Variants in CLN6 observed in about 807,000 individuals in gnomAD.
CLN6 encodes CLN6 transmembrane ER protein.
CLN6 carries 22 observed loss-of-function variants against 33.3 expected under a neutral mutation model. The ratio of observed to expected loss-of-function variants is 0.66; its 90% CI spans 0.47 to 0.94. CLN6 has a LOEUF of 0.94. Ranked by LOEUF, CLN6 falls within the 40% of genes least tolerant of loss-of-function variation. The pLI, the probability that CLN6 is intolerant of heterozygous loss-of-function variation, is 0.00. For missense variants in CLN6, 387 were observed against 417.1 expected (o/e 0.93, Z 0.63); for synonymous variants, 201 against 174.6 (o/e 1.15, Z -1.19).
chr15:68,217,624 G>C (rs2141144159), intron 2 of CLN6, among the ~76,000 whole-genome samples: 1 of 152,276 alleles, frequency 6.6e-6, no homozygotes, highest in African/African-American at 2.4e-5. Flanking sequence ...AATTTGCTGA[G>C]TGACCTTCGA....
chr15:68,215,091 G>A (rs1334435083), intron 2 of CLN6: 2 of 152,502 alleles, frequency 1.3e-5, no homozygotes, highest in East Asian at 3.8e-4. Context: ...CCCCTATGCG[G>A]GGTTAAAGCA....
rs1020395516 is a variant in CLN6 at position 68,211,592 on chromosome 15, G to A, written c.486+83C>T. 246 of 1,603,614 alleles carry A rather than the reference G, an allele frequency of 1.5e-4. 1 individual carries two copies. In the Admixed American group the frequency reaches 2.5e-3, roughly 16 times the overall value. Reference sequence around the variant, plus strand: ...CCTTTGGTGAAAGGACAGGTGCGGCGAGGGGTGGGGGCCATTTCTTCAGCC... The same window carrying A: ...CCTTTGGTGAAAGGACAGGTGCGGCAAGGGGTGGGGGCCATTTCTTCAGCC... On this transcript the variant is annotated intron_variant, in intron 4 of 6. Coordinates refer to ENST00000249806, the MANE Select transcript of CLN6 (RefSeq NM_017882.3). This position sits in a 1 kb window ranked among gnomAD's most constrained non-coding sequence, Gnocchi z 5.9.
chr15:68,208,238 G>T lies in CLN6; in HGVS notation c.838C>A (p.Leu280Met). The change falls in exon 7 of 7, where the codon CTG (leucine) becomes ATG (methionine). Residue 280 changes from leucine to methionine, a missense_variant. Leu to Met is a conservative substitution (Grantham distance 15). Coordinates refer to ENST00000249806, the MANE Select transcript of CLN6 (RefSeq NM_017882.3). The surrounding 1 kb of genome is among the most constrained non-coding windows in gnomAD (Gnocchi z 5.8). ...TTCCTGAGAACAGGGTCATTCCACA[G>T]CCAGGCGACCCAGAGCGCCACAAGC... The part of the protein sequence containing the change: ...LLLVALWVAW[L>M]WNDPVLRKKY... The T allele has an allele frequency of 6.2e-7, 1 of 1,614,088 alleles. No individual in the cohort carries two copies. Among genetic ancestry groups the T allele is most frequent in the Non-Finnish European group, 8.5e-7 (1 of 1,180,032 alleles).
At position 68,229,370 on chromosome 15, in the gene CLN6, G is replaced by GCGCTC. The variant is rs1329872120; in HGVS notation, c.83+127_83+131dup. ...ACGGTAGCGCGCCTCCAAGCCCCCC[G>GCGCTC]CGCTCCGCTCCGCCCCGGCCAGCGC... On this transcript the variant is annotated intron_variant, in intron 1 of 6. Coordinates refer to ENST00000249806, the MANE Select transcript of CLN6 (RefSeq NM_017882.3). 6.4e-5 allele frequency: 39 copies of GCGCTC among 613,800 alleles called. No homozygotes were observed. In the East Asian group the frequency reaches 1.4e-3, roughly 22 times the overall value. 38.0% of individuals were successfully genotyped at this position (613,800 alleles called of 1,614,324 possible). A position where few individuals can be genotyped will look rare whatever the true frequency, so the allele number is the denominator to read the frequency against.
chr15:68,242,924 A>G lies in CLN6; in HGVS notation c.179+13766T>C, dbSNP rs1217284025. Among the ~76,000 whole-genome samples, 2 of 152,332 alleles carry G rather than the reference A, an allele frequency of 1.3e-5. No individual in the cohort carries two copies. Among genetic ancestry groups the G allele is most frequent in the East Asian group, 1.9e-4 (1 of 5,192 alleles). The stretch of plus-strand genomic sequence containing the variant: ...AATGTCCTAAGCTCCACCCCAGTAC[A>G]TAATTGAAATTGCTTACTTACCAGG... On this transcript the variant is annotated intron_variant, in intron 1 of 6. Coordinates refer to the CLN6 transcript ENST00000538696. The surrounding 1 kb of genome is among the most constrained non-coding windows in gnomAD (Gnocchi z 5.0).
chr15:68,248,858 A>G (rs1446934226), intron 1 of CLN6, among the ~76,000 whole-genome samples: 1 of 152,178 alleles, frequency 6.6e-6, no homozygotes, highest in Non-Finnish European at 1.5e-5. Context: ...AACTAAGAGG[A>G]GATAGCCCAA....
At chr15:68,240,705 C>T (rs985235149) in intron 1 of CLN6, among the ~76,000 whole-genome samples, 1 of 151,504 alleles carries the variant, frequency 6.6e-6, no homozygotes, top group Non-Finnish European at 1.5e-5. Context: ...GGGACAGGGC[C>T]GGGTGCGGTG....
chr15:68,255,719 A>G (rs1892427666), intron 1 of CLN6, among the ~76,000 whole-genome samples: 1 of 152,228 alleles, frequency 6.6e-6, no homozygotes, highest in South Asian at 2.1e-4. Flanking sequence ...TTGGCTTGGG[A>G]AAATAAAAGA....
upstream of CLN6, chr15:68,229,762 A>G (rs375902554): frequency 8.6e-3 from 400 of 46,466 alleles, 1 homozygote; most frequent in African/African-American, 0.023. Flanking sequence ...GGCGGAGCGG[A>G]GCGGAGCGGA....
chr15:68,232,894 G>T (rs139385225), upstream of CLN6, among the ~76,000 whole-genome samples: 1,668 of 152,110 alleles, frequency 0.011, 20 homozygotes, highest in Non-Finnish European at 0.017. The surrounding 1 kb of genome is among the most constrained non-coding windows in gnomAD (Gnocchi z 4.7). Flanking sequence ...ATACAAAAAC[G>T]AACTGGGTGT....
chr15:68,254,027 A>G (rs1455970699), intron 1 of CLN6, among the ~76,000 whole-genome samples: 6 of 151,806 alleles, frequency 4.0e-5, no homozygotes, highest in Non-Finnish European at 7.4e-5. Context: ...ACAGGCGCCC[A>G]CCACCGCGCC....
chr15:68,211,822 C>A lies in CLN6; in HGVS notation c.339G>T (p.Thr113=). 1.2e-6 allele frequency: 2 copies of A among 1,613,884 alleles called. No homozygotes were observed. Among genetic ancestry groups the A allele is most frequent in the Non-Finnish European group, 1.7e-6 (2 of 1,180,018 alleles). ...RSPRTLPRSI[T]YVSIIIFIMG... is the part of the protein sequence containing the mutation. ...TGATGAAGATGATGATGCTCACGTA[C>A]GTGATGGAGCGTGGCAGGGTGCGGG... Residue 113 remains threonine (T), a synonymous_variant, in exon 4 of 7, where the codon ACG becomes ACT. Transcript: ENST00000249806. This position sits in a 1 kb window ranked among gnomAD's most constrained non-coding sequence, Gnocchi z 5.9.
At chr15:68,248,754 G>A (rs1281354293) in intron 1 of CLN6, among the ~76,000 whole-genome samples, 1 of 151,540 alleles carries the variant, frequency 6.6e-6, no homozygotes, top group Non-Finnish European at 1.5e-5. Flanking sequence ...AGATTTTTTT[G>A]TGTAAGACCT....
At chr15:68,245,049 A>AAAAAG (rs1555441205) in intron 1 of CLN6, among the ~76,000 whole-genome samples, 3 of 150,730 alleles carry the variant, frequency 2.0e-5, no homozygotes, top group African/African-American at 2.4e-5. Flanking sequence ...AAAAAAAAAA[A>AAAAAG]AGAGAGAGAG....
chr15:68,210,560 T>G lies in CLN6; in HGVS notation c.542+703A>C, dbSNP rs578041988. Among the ~76,000 whole-genome samples the G allele has an allele frequency of 1.3e-5, 2 of 152,190 alleles. No individual in the cohort carries two copies. The highest frequency in any genetic ancestry group is 2.9e-5 in the Non-Finnish European group (2 of 68,024). On this transcript the variant is annotated intron_variant, in intron 5 of 6. Coordinates refer to ENST00000249806, the MANE Select transcript of CLN6 (RefSeq NM_017882.3). This position sits in a 1 kb window ranked among gnomAD's most constrained non-coding sequence, Gnocchi z 5.6. The stretch of plus-strand genomic sequence containing the variant: ...CTCAGGAGTGAGCCGGGTCCAGGGC[T>G]GGCCCTCACCTCCCAGCTGCAGCCT...
Position 68,247,501 on chromosome 15 carries a change from C to T in CLN6, c.179+9189G>A, listed in dbSNP as rs1018118637. On this transcript the variant is annotated intron_variant, in intron 1 of 6. Coordinates refer to the CLN6 transcript ENST00000538696. The surrounding 1 kb of genome is among the most constrained non-coding windows in gnomAD (Gnocchi z 4.2). ...AGAAAGATCTCTTCAAGGAAAACTA[C>T]AAAGCACTGAAGAAATAAATTGAAG... Among the ~76,000 whole-genome samples the T allele has an allele frequency of 9.9e-5, 15 of 152,056 alleles. No homozygotes were observed. The highest frequency in any genetic ancestry group is 9.2e-4 in the Admixed American group (14 of 15,258).
chr15:68,243,338 G>C (rs764002608), intron 1 of CLN6, among the ~76,000 whole-genome samples: 1 of 152,178 alleles, frequency 6.6e-6, no homozygotes, highest in Non-Finnish European at 1.5e-5. Context: ...CCGAATAACA[G>C]AGTTTTCTTA....
chr15:68,220,667 A>G lies in CLN6; in HGVS notation c.84-2017T>C, dbSNP rs184366206. Among the ~76,000 whole-genome samples the G allele has an allele frequency of 7.9e-4, 121 of 152,372 alleles. No individual in the cohort carries two copies. Among genetic ancestry groups the G allele is most frequent in the African/African-American group, 2.8e-3 (118 of 41,582 alleles). On this transcript the variant is annotated intron_variant, in intron 1 of 6. Transcript: ENST00000249806. This position sits in a 1 kb window ranked among gnomAD's most constrained non-coding sequence, Gnocchi z 4.2. ...AAGTGCTGACAGTGTTCATGTTGCC[A>G]GTTCATGATCTGGCCATATGAGCCA...
Position 68,208,098 on chromosome 15 carries a change from A to ACCCAC in CLN6, c.*41_*42insGTGGG, listed in dbSNP as rs2141135759. 6.7e-6 allele frequency: 3 copies of ACCCAC among 448,446 alleles called. No individual in the cohort carries two copies. Among genetic ancestry groups the ACCCAC allele is most frequent in the Non-Finnish European group, 1.1e-5 (3 of 279,244 alleles). The allele number at this position is 448,446 out of a possible 1,614,324, so 27.8% of individuals were successfully genotyped here. On this transcript the variant is annotated 3_prime_UTR_variant, in exon 7 of 7. Transcript: ENST00000249806. The surrounding 1 kb of genome is among the most constrained non-coding windows in gnomAD (Gnocchi z 5.8). The stretch of plus-strand genomic sequence containing the variant: ...TGTATTCAGATGCCCTCCATGGCCC[A>ACCCAC]CCCTCCCACCCAGCAGAGCGCCAGA...
Sources: allele counts gnomAD v4.1 joint callset (sites outside exome capture counted in the v4.1 genomes callset), GRCh38; gene constraint gnomAD v4.1.1; non-coding constraint Gnocchi (gnomAD v3.1); transcripts MANE v1.5; gene names NCBI Gene and HGNC (gene_info 2026-07-23, HGNC 2026-07-21).